TMEM132C: variants seen among roughly 807,000 people sequenced by gnomAD.
TMEM132C encodes protein phosphatase 1, regulatory subunit 152.
TMEM132C carries 29 observed loss-of-function variants against 61.4 expected under a neutral mutation model. The ratio of observed to expected loss-of-function variants is 0.47; its 90% CI spans 0.35 to 0.64. The LOEUF (loss-of-function observed/expected upper bound fraction) is 0.64, where lower values mean the gene tolerates loss of function less well. Among genes scored for constraint, TMEM132C ranks in the 30% least tolerant of loss-of-function variants. TMEM132C has a pLI of 0.00. For missense variants in TMEM132C, 1,408 were observed against 1,476.9 expected (o/e 0.95, Z 0.76); for synonymous variants, 656 against 633.1 (o/e 1.04, Z -0.54).
intron 4 of TMEM132C, among the ~76,000 whole-genome samples, chr12:128,665,300 TACAC>T (rs968857336): frequency 1.8e-5 from 2 of 113,348 alleles, no homozygotes; most frequent in South Asian, 2.7e-4. Context: ...CACTCACACA[TACAC>T]AAACAGGCAC....
chr12:128,698,599 T>C (rs1463631890), intron 8 of TMEM132C, among the ~76,000 whole-genome samples: 1 of 152,228 alleles, frequency 6.6e-6, no homozygotes, highest in Non-Finnish European at 1.5e-5. Flanking sequence ...AAACAGTGGC[T>C]GGCACATGCC....
chr12:128,508,021 T>C (rs75734379), intron 2 of TMEM132C, among the ~76,000 whole-genome samples: 6,469 of 152,252 alleles, frequency 0.042, 454 homozygotes, highest in African/African-American at 0.15. Context: ...CTAACTCTGA[T>C]AGTCTGGAGT....
At chr12:128,321,138 AAATAATAATAAT>A (rs58166037) in intron 1 of TMEM132C, among the ~76,000 whole-genome samples, 104 of 143,766 alleles carry the variant, frequency 7.2e-4, no homozygotes, top group African/African-American at 1.6e-3. Context: ...CATTTTTGAA[AAATAATAATAAT>A]AATAATAATA....
At chr12:128,363,119 C>T (rs1213375411) in intron 1 of TMEM132C, among the ~76,000 whole-genome samples, 2 of 152,192 alleles carry the variant, frequency 1.3e-5, no homozygotes, top group African/African-American at 4.8e-5. Flanking sequence ...AGTACCATCA[C>T]TCCGTTTTGT....
At chr12:128,622,828 A>G (rs1277275122) in intron 4 of TMEM132C, among the ~76,000 whole-genome samples, 1 of 152,278 alleles carries the variant, frequency 6.6e-6, no homozygotes, top group South Asian at 2.1e-4. Context: ...TTTCAAAAAC[A>G]TCTCGTCCTG....
intron 2 of TMEM132C, among the ~76,000 whole-genome samples, chr12:128,474,472 A>C (rs568759091): frequency 6.6e-6 from 1 of 152,194 alleles, no homozygotes; most frequent in South Asian, 2.1e-4. Context: ...CATAGAAACC[A>C]TTTGCCAAAT....
chr12:128,645,956 G>T (rs1405986836), intron 4 of TMEM132C, among the ~76,000 whole-genome samples: 1 of 152,002 alleles, frequency 6.6e-6, no homozygotes, highest in Non-Finnish European at 1.5e-5. Flanking sequence ...GTGTTTACTG[G>T]AGTCCATCGG....
intron 1 of TMEM132C, among the ~76,000 whole-genome samples, chr12:128,319,506 G>A (rs1872258612): frequency 3.3e-5 from 5 of 152,002 alleles, no homozygotes; most frequent in Admixed American, 3.3e-4. Flanking sequence ...CAATTGGAGT[G>A]CTGTCACCAA....
At chr12:128,564,553 T>C (rs1292791197) in intron 3 of TMEM132C, among the ~76,000 whole-genome samples, 6 of 152,204 alleles carry the variant, frequency 3.9e-5, no homozygotes, top group Non-Finnish European at 8.8e-5. Flanking sequence ...GATTCTTACA[T>C]CAACCCTGAG....
chr12:128,654,052 G>A (rs769981072), intron 4 of TMEM132C, among the ~76,000 whole-genome samples: 2 of 152,190 alleles, frequency 1.3e-5, no homozygotes, highest in Non-Finnish European at 2.9e-5. Flanking sequence ...AAAATTCTTT[G>A]CAAAGAATAA....
chr12:128,364,659 A>C (rs2135975123), intron 1 of TMEM132C, among the ~76,000 whole-genome samples: 1 of 152,192 alleles, frequency 6.6e-6, no homozygotes, highest in East Asian at 1.9e-4. Context: ...CCCGGGTGGC[A>C]GTTGTGGAAG....
intron 1 of TMEM132C, among the ~76,000 whole-genome samples, chr12:128,347,359 C>A (rs1294244258): frequency 6.8e-6 from 1 of 147,668 alleles, no homozygotes; most frequent in East Asian, 2.0e-4. Context: ...CATATCTTTG[C>A]ATTTGTGAAT....
At chr12:128,324,012 A>G (rs1424902501) in intron 1 of TMEM132C, among the ~76,000 whole-genome samples, 2 of 152,236 alleles carry the variant, frequency 1.3e-5, no homozygotes, top group Non-Finnish European at 2.9e-5. Context: ...AGTCGTTTCA[A>G]TAAAGGGACA....
intron 4 of TMEM132C, among the ~76,000 whole-genome samples, chr12:128,663,509 G>A (rs1307856157): frequency 2.0e-5 from 3 of 152,176 alleles, no homozygotes; most frequent in African/African-American, 7.2e-5. Flanking sequence ...GGGGATATTC[G>A]AGGTGGGGCG....
chr12:128,435,907 G>A (rs912215842), intron 2 of TMEM132C, among the ~76,000 whole-genome samples: 16 of 152,168 alleles, frequency 1.1e-4, no homozygotes, highest in African/African-American at 3.6e-4. Context: ...ATACTACAAG[G>A]CTACAGTAAC....
intron 1 of TMEM132C, among the ~76,000 whole-genome samples, chr12:128,293,100 C>G (rs1871300009): frequency 6.6e-6 from 1 of 152,126 alleles, no homozygotes; most frequent in Admixed American, 6.5e-5. Flanking sequence ...GTGTGCAAAT[C>G]TGAACCTGTA....
intron 5 of TMEM132C, among the ~76,000 whole-genome samples, chr12:128,688,969 T>TTTTTTTG (rs1954698652): frequency 6.6e-6 from 1 of 151,608 alleles, no homozygotes; most frequent in South Asian, 2.1e-4. Context: ...AGTTGTTGTT[T>TTTTTTTG]TTTTTGTTTT....
chr12:128,689,166 G>A (rs1431642283), intron 5 of TMEM132C, among the ~76,000 whole-genome samples: 2 of 151,958 alleles, frequency 1.3e-5, no homozygotes, highest in African/African-American at 2.4e-5. Flanking sequence ...TAAATTGACA[G>A]ATTATAATTG....
At chr12:128,329,349 G>C (rs1872611955) in intron 1 of TMEM132C, among the ~76,000 whole-genome samples, 1 of 152,128 alleles carries the variant, frequency 6.6e-6, no homozygotes, top group African/African-American at 2.4e-5. Flanking sequence ...TGGGGAAGAA[G>C]GAAAAGCAGT....
Sources: allele counts gnomAD v4.1 joint callset (sites outside exome capture counted in the v4.1 genomes callset), GRCh38; gene constraint gnomAD v4.1.1; transcripts MANE v1.5; gene names NCBI Gene and HGNC (gene_info 2026-07-23, HGNC 2026-07-21).